The following ZDHHC13 variants were observed in gnomAD, a reference collection of about 807,000 sequenced individuals.
ZDHHC13 encodes palmitoyltransferase ZDHHC13.
A neutral mutation model predicts 86.0 loss-of-function variants in ZDHHC13; 85 were observed. The ratio of observed to expected loss-of-function variants is 0.99; its 90% CI spans 0.83 to 1.18. The LOEUF (loss-of-function observed/expected upper bound fraction) is 1.18, where lower values mean the gene tolerates loss of function less well. Among genes scored for constraint, ZDHHC13 ranks in the 50% most tolerant of loss-of-function variants. ZDHHC13 has a pLI of 0.00. For synonymous variants in ZDHHC13, 263 were observed against 246.4 expected, an observed-to-expected ratio of 1.07 and a Z score of -0.63; for missense variants, 711 against 730.2, an observed-to-expected ratio of 0.97 and a Z score of 0.30.
chr11:19,167,317 A>G (rs1437128340), intron 14 of ZDHHC13: 1 of 152,160 alleles, frequency 6.6e-6, no homozygotes, highest in East Asian at 1.9e-4. Flanking sequence ...AGACATTAAG[A>G]ATGTTATTTT....
chr11:19,145,687 T>C (rs995722079), intron 2 of ZDHHC13, among the ~76,000 whole-genome samples: 1 of 152,254 alleles, frequency 6.6e-6, no homozygotes, highest in Non-Finnish European at 1.5e-5. Context: ...CTATAAAATA[T>C]AGCTTAGTTT....
intron 1 of ZDHHC13, among the ~76,000 whole-genome samples, chr11:19,136,664 A>G (rs1255848157): frequency 4.6e-5 from 7 of 152,140 alleles, no homozygotes; most frequent in African/African-American, 1.7e-4. Flanking sequence ...AAGGGCAGCC[A>G]GAGAGAAAGG....
intron 5 of ZDHHC13, 125 bp from the exon 6 acceptor site, chr11:19,150,602 A>G (rs1849581140): frequency 1.9e-5 from 14 of 736,066 alleles, no homozygotes; most frequent in Non-Finnish European, 2.8e-5. Context: ...TTATCAAATG[A>G]TATTTGAGCC....
chr11:19,158,367 C>G (rs543299851), intron 9 of ZDHHC13, among the ~76,000 whole-genome samples: 1 of 152,158 alleles, frequency 6.6e-6, no homozygotes, highest in African/African-American at 2.4e-5. Context: ...GCCTGTGACC[C>G]AAGTGAGATT....
chr11:19,152,150 T>C lies in ZDHHC13; in HGVS notation c.585-8T>C, dbSNP rs756519153. On this transcript the variant is annotated splice_region_variant and splice_polypyrimidine_tract_variant and intron_variant, in intron 6 of 16. Transcript: ENST00000446113. ...AATGCCTCTTGGTATTTTATTATTT[T>C]GAGACAGGCCAGAACCAACTGGATT... 6.2e-7 allele frequency: 1 copy of C among 1,610,354 alleles called. No homozygotes were observed. The highest frequency in any genetic ancestry group is 8.5e-7 in the Non-Finnish European group (1 of 1,177,954).
At chr11:19,133,943 A>ATATATATATATATATATG (rs1849065007) in intron 1 of ZDHHC13, among the ~76,000 whole-genome samples, 1 of 39,340 alleles carries the variant, frequency 2.5e-5, no homozygotes, top group African/African-American at 4.6e-5. Context: ...ATATATATAT[A>ATATATATATATATATATG]CACGTATGTG....
intron 1 of ZDHHC13, among the ~76,000 whole-genome samples, chr11:19,130,588 A>G (rs1404989704): frequency 6.6e-6 from 1 of 152,132 alleles, no homozygotes; most frequent in East Asian, 1.9e-4. Flanking sequence ...TTCTTCTTGT[A>G]TCCACTTCGA....
chr11:19,156,358 G>T (rs1029846049), intron 9 of ZDHHC13, among the ~76,000 whole-genome samples: 8 of 152,052 alleles, frequency 5.3e-5, no homozygotes, highest in African/African-American at 1.7e-4. Context: ...AATTGTGAGA[G>T]ATTATAAAAT....
At chr11:19,138,540 G>A (rs1229727788) in intron 1 of ZDHHC13, among the ~76,000 whole-genome samples, 2 of 151,894 alleles carry the variant, frequency 1.3e-5, no homozygotes, top group Admixed American at 6.5e-5. Flanking sequence ...AGAAAAAGAG[G>A]GAATCCTCCC....
intron 12 of ZDHHC13, 57 bp from the exon 13 acceptor site, chr11:19,164,995 T>G: frequency 6.7e-7 from 1 of 1,500,642 alleles, no homozygotes; most frequent in African/African-American, 1.4e-5. Flanking sequence ...TGCTTGTGAT[T>G]TGTTACCACT....
At chr11:19,138,828 A>G (rs1849223915) in intron 1 of ZDHHC13, among the ~76,000 whole-genome samples, 1 of 152,138 alleles carries the variant, frequency 6.6e-6, no homozygotes, top group African/African-American at 2.4e-5. Context: ...GATTATCTCA[A>G]TAGATGCAGA....
At chr11:19,143,424 T>G (rs1849376780) in intron 2 of ZDHHC13, among the ~76,000 whole-genome samples, 2 of 152,212 alleles carry the variant, frequency 1.3e-5, no homozygotes, top group Non-Finnish European at 2.9e-5. Flanking sequence ...AAATGTTCCT[T>G]GAATGAATGG....
At chr11:19,154,491 G>C (rs1795716341) in intron 8 of ZDHHC13, among the ~76,000 whole-genome samples, 1 of 152,138 alleles carries the variant, frequency 6.6e-6, no homozygotes, top group African/African-American at 2.4e-5. Context: ...GGCGTAGAGA[G>C]GTGAAAATGG....
Position 19,146,188 on chromosome 11 carries a change from A to G in ZDHHC13, c.181A>G (p.Ile61Val). The change falls in exon 3 of 17, where the codon ATT (isoleucine) becomes GTT (valine). Residue 61 changes from isoleucine to valine, a missense_variant. Physicochemically the swap from Ile to Val is conservative, Grantham distance 29. Transcript: ENST00000446113. Reference protein sequence around the residue: ...CDIVKATQYGIFERCKELVEA... With the variant: ...CDIVKATQYGVFERCKELVEA... ...TTTTTTTTCTTCTTTGAGATACGGA[A>G]TTTTTGAACGATGTAAAGAGTTGGT... 1.3e-6 allele frequency: 2 copies of G among 1,585,174 alleles called. No individual in the cohort carries two copies. The highest frequency in any genetic ancestry group is 1.9e-5 in the Admixed American group (1 of 53,128).
intron 1 of ZDHHC13, among the ~76,000 whole-genome samples, chr11:19,138,895 G>A (rs925654105): frequency 1.3e-5 from 2 of 151,694 alleles, no homozygotes; most frequent in African/African-American, 2.4e-5. Flanking sequence ...AATAAATTAG[G>A]TATTGATGGG....
At position 19,172,692 on chromosome 11, in the gene ZDHHC13, A is replaced by G. The variant is rs74753244; in HGVS notation, c.1633-31A>G. ...TATTTATCTAAAAGTTGCACACTGA[A>G]TGTGTGCAACCTTCCACCCTTCTTT... On this transcript the variant is annotated intron_variant, in intron 15 of 16. Transcript: ENST00000446113. The G allele has an allele frequency of 6.8e-3, 10,261 of 1,517,714 alleles. 45 individuals carry two copies. Among genetic ancestry groups the G allele is most frequent in the Non-Finnish European group, 8.0e-3 (8,911 of 1,120,450 alleles). 94.0% of individuals were successfully genotyped at this position (1,517,714 alleles called of 1,614,324 possible).
In ZDHHC13 at chr11:19,146,198, G is replaced by T. The variant is rs777981843; in HGVS notation, c.191G>T (p.Arg64Leu). ...VKATQYGIFE[R>L]CKELVEAGYD... ...TCTTTGAGATACGGAATTTTTGAAC[G>T]ATGTAAAGAGTTGGTAGAAGCAGGA... The change falls in exon 3 of 17, where the codon CGA becomes CTA. Residue 64 changes from arginine to leucine, a missense_variant. Arg to Leu is a moderately radical substitution (Grantham distance 102). Transcript: ENST00000446113. The T allele has an allele frequency of 6.3e-7, 1 of 1,597,074 alleles. No individual in the cohort carries two copies.
In ZDHHC13 at chr11:19,124,764, G is replaced by T. The variant is rs190799289; in HGVS notation, c.27+7488G>T. Among the ~76,000 whole-genome samples the T allele has an allele frequency of 3.5e-4, 53 of 151,672 alleles. No homozygotes were observed. The South Asian group carries it at 3.5e-3, about 10-fold the overall frequency. On this transcript the variant is annotated intron_variant, in intron 1 of 16. Transcript: ENST00000446113. ...CTGTGTGTGATTCTGCGTGTGTGTG[G>T]GGGGGTACTGATTATTTACCAGATA...
intron 8 of ZDHHC13, among the ~76,000 whole-genome samples, chr11:19,153,921 C>T (rs1473977573): frequency 1.3e-5 from 2 of 151,900 alleles, no homozygotes; most frequent in African/African-American, 4.8e-5. Flanking sequence ...CTAGTTCAGC[C>T]TTCAGTTTAT....
Sources: gnomAD v4.1 joint callset for allele counts (sites outside exome capture counted in the v4.1 genomes callset) on GRCh38, gnomAD v4.1.1 for gene constraint, MANE v1.5 for transcripts, NCBI Gene and HGNC (gene_info 2026-07-23, HGNC 2026-07-21) for gene names.